The following RAB7A variants were observed in gnomAD, a reference collection of about 807,000 sequenced individuals.
RAB7A encodes the protein RAB7A, member RAS oncogene family.
In RAB7A, 2 loss-of-function variants were observed where a neutral mutation model predicts 24.5. The observed-to-expected ratio is 0.08, with a 90% confidence interval of 0.03 to 0.26. RAB7A has a LOEUF of 0.26. Among genes scored for constraint, RAB7A ranks in the 10% least tolerant of loss-of-function variants. The pLI, the probability that RAB7A is intolerant of heterozygous loss-of-function variation, is 1.00. For synonymous variants in RAB7A, 100 were observed against 95.9 expected, an observed-to-expected ratio of 1.04 and a Z score of -0.25; for missense variants, 118 against 255.7, an observed-to-expected ratio of 0.46 and a Z score of 3.67.
At chr3:128,771,631 A>T (rs1932936507) in intron 1 of RAB7A, among the ~76,000 whole-genome samples, 1 of 152,370 alleles carries the variant, frequency 6.6e-6, no homozygotes, top group South Asian at 2.1e-4. Context: ...GGGATTTAGT[A>T]GAAGGCTGAA....
Position 128,795,420 on chromosome 3 carries a change from G to C in RAB7A, c.53G>C (p.Gly18Ala). The C allele has an allele frequency of 6.2e-7, 1 of 1,611,914 alleles. No individual in the cohort carries two copies. Residue 18 changes from glycine to alanine, a missense_variant and splice_region_variant, in exon 2 of 6, where the codon GGA (glycine) becomes GCA (alanine). By Grantham distance (60) the Gly-to-Ala change is moderately conservative. Transcript: ENST00000265062. ...LLKVIILGDSGVGKTSLMNQY... is the reference protein window; with the variant it reads ...LLKVIILGDSAVGKTSLMNQY... Reference sequence around the variant, plus strand: ...AAGGTTATCATCCTGGGAGATTCTGGGTAAGTTACTCATGAATTTGAGCTA... The same window carrying C: ...AAGGTTATCATCCTGGGAGATTCTGCGTAAGTTACTCATGAATTTGAGCTA...
chr3:128,769,740 C>G (rs1336841865), intron 1 of RAB7A, among the ~76,000 whole-genome samples: 4 of 152,118 alleles, frequency 2.6e-5, no homozygotes, highest in Admixed American at 6.5e-5. Context: ...ATTTGCAATT[C>G]GTGAATGAGG....
intron 1 of RAB7A, chr3:128,764,480 C>G: frequency 1.3e-6 from 1 of 778,132 alleles, no homozygotes; most frequent in Non-Finnish European, 2.3e-6. Flanking sequence ...TTTTCATTAT[C>G]ACTGTCTCCC....
Position 128,744,221 on chromosome 3 carries a change from C to A in RAB7A, c.-9+17862C>A, listed in dbSNP as rs141931765. Among the ~76,000 whole-genome samples, 43 of 152,194 alleles carry A rather than the reference C, an allele frequency of 2.8e-4. No individual in the cohort carries two copies. The East Asian group carries it at 8.1e-3, about 29-fold the overall frequency. On this transcript the variant is annotated intron_variant, in intron 1 of 5. Coordinates refer to ENST00000265062, the MANE Select transcript of RAB7A (RefSeq NM_004637.6). ...TGAGTTATGGTCACATCACTGCACT[C>A]CACTGGGTGACAGAGTGAGACCCAG...
At chr3:128,726,770 G>C (rs2070384810) in intron 1 of RAB7A, among the ~76,000 whole-genome samples, 1 of 152,178 alleles carries the variant, frequency 6.6e-6, no homozygotes, top group African/African-American at 2.4e-5. Context: ...GGCGGGCATG[G>C]GTCACAGGCG....
At chr3:128,784,787 C>T (rs926854286) in intron 1 of RAB7A, among the ~76,000 whole-genome samples, 7 of 152,116 alleles carry the variant, frequency 4.6e-5, no homozygotes, top group African/African-American at 1.7e-4. Flanking sequence ...AAACTTAACA[C>T]GTCTTGATCA....
chr3:128,747,970 G>A (rs1049800795), intron 1 of RAB7A, among the ~76,000 whole-genome samples: 2 of 152,152 alleles, frequency 1.3e-5, no homozygotes, highest in East Asian at 3.9e-4. Flanking sequence ...GTTTCACCAT[G>A]TTGGCCAGGC....
At chr3:128,799,598 C>A (rs1223596199) in intron 3 of RAB7A, among the ~76,000 whole-genome samples, 1 of 152,162 alleles carries the variant, frequency 6.6e-6, no homozygotes, top group East Asian at 1.9e-4. Flanking sequence ...ACTCACACTT[C>A]TAGGACAGAG....
rs151098899 is a variant in RAB7A at position 128,786,424 on chromosome 3, T to C, written c.-8-8936T>C. On this transcript the variant is annotated intron_variant, in intron 1 of 5. Coordinates refer to ENST00000265062, the MANE Select transcript of RAB7A (RefSeq NM_004637.6). ...CTCCTCATGACCTTCTCCAAAACTTTATGAGCAAATATTGCTTGCCTACTT... is the reference window on the plus strand; with the variant it reads ...CTCCTCATGACCTTCTCCAAAACTTCATGAGCAAATATTGCTTGCCTACTT... Among the ~76,000 whole-genome samples, 155 of 142,388 alleles carry C rather than the reference T, an allele frequency of 1.1e-3. 1 individual carries two copies. Among genetic ancestry groups the C allele is most frequent in the African/African-American group, 3.6e-3 (147 of 40,874 alleles). The allele number at this position is 142,388 out of a possible 152,430, so 93.4% of individuals were successfully genotyped here. A position where few individuals can be genotyped will look rare whatever the true frequency, so the allele number is the denominator to read the frequency against.
intron 1 of RAB7A, among the ~76,000 whole-genome samples, chr3:128,745,237 A>G (rs2070600620): frequency 1.3e-5 from 2 of 152,154 alleles, no homozygotes; most frequent in Non-Finnish European, 2.9e-5. Context: ...CCTGTTGCCT[A>G]AACTAGGGTA....
rs79192733 is a variant in RAB7A at position 128,811,322 on chromosome 3, A to C, written c.529-2005A>C. ...ATATGATCCTTTGCCTTTCACAGTA[A>C]ACATATTCCTAGGTACTGGTGGGAA... On this transcript the variant is annotated intron_variant, in intron 5 of 5. Transcript: ENST00000265062. Among the ~76,000 whole-genome samples, 340 of 152,310 alleles carry C rather than the reference A, an allele frequency of 2.2e-3. 3 individuals carry two copies. The highest frequency in any genetic ancestry group is 7.9e-3 in the African/African-American group (329 of 41,562).
intron 3 of RAB7A, among the ~76,000 whole-genome samples, chr3:128,800,298 C>G (rs1206047557): frequency 6.6e-6 from 1 of 152,216 alleles, no homozygotes; most frequent in East Asian, 1.9e-4. Flanking sequence ...TCTGAAGATT[C>G]TCCATGTGTC....
chr3:128,760,152 T>A (rs1340776603), intron 1 of RAB7A, among the ~76,000 whole-genome samples: 1 of 152,116 alleles, frequency 6.6e-6, no homozygotes, highest in Admixed American at 6.5e-5. Flanking sequence ...CCAGCGTGGG[T>A]GAGCTTCATC....
chr3:128,778,916 C>T (rs1223270918), intron 1 of RAB7A, among the ~76,000 whole-genome samples: 1 of 152,016 alleles, frequency 6.6e-6, no homozygotes, highest in Non-Finnish European at 1.5e-5. Flanking sequence ...TGCTGCCTCA[C>T]AGAACAAGGC....
intron 1 of RAB7A, among the ~76,000 whole-genome samples, chr3:128,769,047 C>T (rs1407030759): frequency 1.4e-5 from 2 of 142,702 alleles, no homozygotes; most frequent in African/African-American, 5.3e-5. Context: ...TGTACACCAC[C>T]ACACCCAGCT....
chr3:128,734,125 A>G (rs539877795), intron 1 of RAB7A, among the ~76,000 whole-genome samples: 2 of 152,064 alleles, frequency 1.3e-5, no homozygotes, highest in Non-Finnish European at 2.9e-5. Flanking sequence ...ACTTAAATCC[A>G]TTGGGGTTAA....
chr3:128,777,500 T>C (rs529450062), intron 1 of RAB7A, among the ~76,000 whole-genome samples: 1 of 152,270 alleles, frequency 6.6e-6, no homozygotes, highest in African/African-American at 2.4e-5. Flanking sequence ...CTATTGTTCT[T>C]ATAATACTTG....
intron 1 of RAB7A, among the ~76,000 whole-genome samples, chr3:128,755,766 AATG>A (rs2070724511): frequency 6.6e-6 from 1 of 152,110 alleles, no homozygotes; most frequent in Non-Finnish European, 1.5e-5. Context: ...GAATAATGGT[AATG>A]ATTTTTTTTA....
chr3:128,766,589 G>A (rs2107598826), intron 1 of RAB7A, among the ~76,000 whole-genome samples: 1 of 152,280 alleles, frequency 6.6e-6, no homozygotes, highest in African/African-American at 2.4e-5. Flanking sequence ...GTCGACACTG[G>A]CAGAGCAGAT....
Sources: gnomAD v4.1 joint callset for allele counts (sites outside exome capture counted in the v4.1 genomes callset) on GRCh38, gnomAD v4.1.1 for gene constraint, MANE v1.5 for transcripts, NCBI Gene and HGNC (gene_info 2026-07-23, HGNC 2026-07-21) for gene names.